The following UTRN variants were observed in gnomAD, a reference collection of about 807,000 sequenced individuals.
UTRN encodes utrophin.
A neutral mutation model predicts 463.9 loss-of-function variants in UTRN; 283 were observed. That is an observed-to-expected ratio of 0.61 (90% CI 0.55 to 0.67). The LOEUF is 0.67. UTRN is among the 30% of genes least tolerant of loss of function. The pLI is 0.00. For missense variants in UTRN, 3,922 were observed against 4,084.3 expected, an observed-to-expected ratio of 0.96 and a Z score of 1.08; for synonymous variants, 1,442 against 1,431.5, an observed-to-expected ratio of 1.01 and a Z score of -0.17.
chr6:144,760,862 A>G (rs942688904), intron 58 of UTRN, among the ~76,000 whole-genome samples: 16 of 152,196 alleles, frequency 1.1e-4, no homozygotes, highest in African/African-American at 3.9e-4. Flanking sequence ...GTTTAAGTAT[A>G]TCATCTTTGT....
In UTRN at chr6:144,789,227, G is replaced by A. The variant is rs745552486; in HGVS notation, c.8868G>A (p.Leu2956=). 7 of 1,613,428 alleles carry A rather than the reference G, an allele frequency of 4.3e-6. No individual in the cohort carries two copies. The highest frequency in any genetic ancestry group is 5.9e-6 in the Non-Finnish European group (7 of 1,179,746). ...GRTGKIRVQS[L]KIGLMSLSKG... ...CTGGAAAAATTAGAGTGCAGAGTCT[G>A]AAGATTGGATTAATGTCTCTCTCCA... The change falls in exon 62 of 75, where the codon CTG becomes CTA. Residue 2956 remains leucine (L), a synonymous_variant. Transcript: ENST00000367545.
chr6:144,433,390 G>C (rs1413694929), intron 9 of UTRN, among the ~76,000 whole-genome samples: 2,007 of 151,768 alleles, frequency 0.013, 36 homozygotes, highest in African/African-American at 0.046. Flanking sequence ...CCCGGACGGG[G>C]TGGCTGCCGG....
chr6:144,372,909 A>G (rs1780127047), intron 2 of UTRN, among the ~76,000 whole-genome samples: 1 of 152,238 alleles, frequency 6.6e-6, no homozygotes, highest in Non-Finnish European at 1.5e-5. Flanking sequence ...ATTATTGCCC[A>G]TGAAAAGATG....
chr6:144,651,297 A>G (rs989411665), intron 51 of UTRN, among the ~76,000 whole-genome samples: 1 of 152,182 alleles, frequency 6.6e-6, no homozygotes, highest in African/African-American at 2.4e-5. Flanking sequence ...AAAACTATCT[A>G]AATCTCAATA....
intron 2 of UTRN, among the ~76,000 whole-genome samples, chr6:144,362,588 G>A (rs1241059721): frequency 6.6e-6 from 1 of 152,140 alleles, no homozygotes; most frequent in African/African-American, 2.4e-5. Context: ...ATAACTGGAT[G>A]GGATATAAAG....
At chr6:144,343,885 C>T (rs1482181810) in intron 2 of UTRN, among the ~76,000 whole-genome samples, 1 of 151,956 alleles carries the variant, frequency 6.6e-6, no homozygotes, top group African/African-American at 2.4e-5. Flanking sequence ...AGTGCCCCTT[C>T]CCAGCTGATA....
intron 16 of UTRN, among the ~76,000 whole-genome samples, chr6:144,448,222 G>C (rs1003634970): frequency 6.6e-6 from 1 of 152,130 alleles, no homozygotes; most frequent in Non-Finnish European, 1.5e-5. Flanking sequence ...ACAAAAGAAC[G>C]AAGTATTGAC....
In UTRN at chr6:144,793,916, C is replaced by G; in HGVS notation, c.9003C>G (p.Ile3001Met). Reference sequence around the variant, plus strand: ...TGTTACTTCATGATGCCATCCAGATCCCCCGGCAGCTAGGTGAAGTAGCAG... The same window carrying G: ...TGTTACTTCATGATGCCATCCAGATGCCCCGGCAGCTAGGTGAAGTAGCAG... ...LGLLLHDAIQ[I>M]PRQLGEVAAF... Residue 3001 changes from isoleucine to methionine, a missense_variant, in exon 63 of 75, where the codon ATC (isoleucine) becomes ATG (methionine). This residue lies in a region of UTRN where 1,309 missense variants were observed against 1,452.6 expected (regional missense o/e 0.90). Coordinates refer to ENST00000367545, the MANE Select transcript of UTRN (RefSeq NM_007124.3). The G allele has an allele frequency of 6.2e-7, 1 of 1,614,028 alleles. No individual in the cohort carries two copies. Among genetic ancestry groups the G allele is most frequent in the African/African-American group, 1.3e-5 (1 of 75,016 alleles).
intron 52 of UTRN, among the ~76,000 whole-genome samples, chr6:144,697,660 A>G (rs1784160015): frequency 6.6e-6 from 1 of 152,212 alleles, no homozygotes; most frequent in Non-Finnish European, 1.5e-5. Context: ...TCAAAGATGC[A>G]GAGAAGCACA....
intron 53 of UTRN, among the ~76,000 whole-genome samples, chr6:144,720,706 A>G (rs1320625356): frequency 6.6e-6 from 1 of 152,158 alleles, no homozygotes; most frequent in Non-Finnish European, 1.5e-5. Context: ...GTTGCTTTCC[A>G]CCTTATTACC....
At chr6:144,815,334 A>T (rs1778980424) in intron 65 of UTRN, among the ~76,000 whole-genome samples, 1 of 152,234 alleles carries the variant, frequency 6.6e-6, no homozygotes, top group Non-Finnish European at 1.5e-5. Flanking sequence ...AGTATGTATT[A>T]GGCAGGGCTG....
At chr6:144,635,530 CTTTTCTTTTTTTTTTT>C (rs1777067722) in intron 51 of UTRN, among the ~76,000 whole-genome samples, 3 of 59,096 alleles carry the variant, frequency 5.1e-5, no homozygotes, top group Non-Finnish European at 6.6e-5. Context: ...TTTTTTTTTT[CTTTTCTTTTTTTTTTT>C]TTTTTTTTTT....
At chr6:144,550,538 C>T (rs896277162) in intron 47 of UTRN, among the ~76,000 whole-genome samples, 19 of 152,094 alleles carry the variant, frequency 1.2e-4, no homozygotes, top group African/African-American at 4.1e-4. Flanking sequence ...TGTGTCACCC[C>T]CAACCCTATG....
intron 13 of UTRN, among the ~76,000 whole-genome samples, chr6:144,441,526 G>A (rs1322664611): frequency 1.3e-5 from 2 of 152,168 alleles, no homozygotes; most frequent in East Asian, 1.9e-4. Flanking sequence ...GTGGCTTTGC[G>A]GGAAATAGCC....
chr6:144,375,351 CAG>C (rs1222459127), intron 2 of UTRN, among the ~76,000 whole-genome samples: 2 of 150,502 alleles, frequency 1.3e-5, no homozygotes, highest in South Asian at 2.1e-4. Context: ...ATTAATAACT[CAG>C]CGTTTATAAG....
At chr6:144,612,660 C>T (rs1805646484) in intron 51 of UTRN, among the ~76,000 whole-genome samples, 1 of 152,078 alleles carries the variant, frequency 6.6e-6, no homozygotes, top group African/African-American at 2.4e-5. Flanking sequence ...GATATTACCT[C>T]ACCCCAGTTA....
chr6:144,722,451 T>C (rs1787303243), intron 53 of UTRN, among the ~76,000 whole-genome samples: 1 of 152,070 alleles, frequency 6.6e-6, no homozygotes, highest in South Asian at 2.1e-4. Flanking sequence ...TAGTAATGAA[T>C]CATGCCTCCC....
At chr6:144,581,796 C>CT (rs1275893111) in intron 51 of UTRN, among the ~76,000 whole-genome samples, 1 of 152,200 alleles carries the variant, frequency 6.6e-6, no homozygotes, top group Non-Finnish European at 1.5e-5. Flanking sequence ...CAAGTTAGAA[C>CT]ATTTTCATTA....
At chr6:144,493,531 C>G in intron 33 of UTRN, 75 bp downstream of exon 33, 1 of 1,461,830 alleles carries the variant, frequency 6.8e-7, no homozygotes, top group Non-Finnish European at 9.2e-7. Context: ...CTCTCTCGTT[C>G]TCTCTCATGT....
Sources: gnomAD v4.1 joint callset for allele counts (sites outside exome capture counted in the v4.1 genomes callset) on GRCh38, gnomAD v4.1.1 for gene constraint, gnomAD v4.1.1 regional missense constraint, MANE v1.5 for transcripts, NCBI Gene and HGNC (gene_info 2026-07-23, HGNC 2026-07-21) for gene names.